The following FARS2 variants were observed in gnomAD, a reference collection of about 807,000 sequenced individuals.
FARS2 encodes the protein phenylalanyl-tRNA synthetase 2, mitochondrial, also known as phenylalanine--tRNA ligase, mitochondrial.
A neutral mutation model predicts 46.4 loss-of-function variants in FARS2; 40 were observed. That is an observed-to-expected ratio of 0.86 (90% confidence interval 0.67 to 1.12). FARS2 has a LOEUF of 1.12. FARS2 is among the 50% of genes most tolerant of loss of function. The pLI, the probability that FARS2 is intolerant of heterozygous loss-of-function variation, is 0.00. For synonymous variants in FARS2, 234 were observed against 214.9 expected, an observed-to-expected ratio of 1.09 and a Z score of -0.78; for missense variants, 513 against 567.9, an observed-to-expected ratio of 0.90 and a Z score of 0.98.
chr6:5,492,692 G>T (rs967533418), intron 4 of FARS2, among the ~76,000 whole-genome samples: 1 of 152,198 alleles, frequency 6.6e-6, no homozygotes, highest in African/African-American at 2.4e-5. Flanking sequence ...CATGTTCTGG[G>T]CCTAGTATTG....
intron 3 of FARS2, among the ~76,000 whole-genome samples, chr6:5,414,901 C>T (rs1382733389): frequency 1.3e-5 from 2 of 150,386 alleles, no homozygotes; most frequent in African/African-American, 2.5e-5. Flanking sequence ...CTGCAACCTC[C>T]GTCTCCTGGG....
At chr6:5,550,719 G>C (rs1416528523) in intron 5 of FARS2, among the ~76,000 whole-genome samples, 2 of 152,130 alleles carry the variant, frequency 1.3e-5, no homozygotes, top group African/African-American at 4.8e-5. Flanking sequence ...CAGTGTTCCT[G>C]ATGGTAAATC....
chr6:5,667,582 A>C (rs1328697051), intron 6 of FARS2, among the ~76,000 whole-genome samples: 1 of 152,194 alleles, frequency 6.6e-6, no homozygotes, highest in Non-Finnish European at 1.5e-5. Flanking sequence ...ACAAAATGAA[A>C]ATTTGGGGGA....
At chr6:5,266,975 A>G (rs569896201) in intron 1 of FARS2, among the ~76,000 whole-genome samples, 4 of 152,220 alleles carry the variant, frequency 2.6e-5, no homozygotes, top group Admixed American at 2.6e-4. Context: ...TTTCAGATAT[A>G]CTTATGAAAA....
At chr6:5,722,416 G>A (rs557886203) in intron 6 of FARS2, among the ~76,000 whole-genome samples, 23 of 152,318 alleles carry the variant, frequency 1.5e-4, no homozygotes, top group African/African-American at 5.3e-4. Context: ...AAATACATCA[G>A]GGGTGCTGTA....
chr6:5,389,484 G>A (rs989465845), intron 2 of FARS2, among the ~76,000 whole-genome samples: 3 of 152,072 alleles, frequency 2.0e-5, no homozygotes, highest in East Asian at 1.9e-4. Flanking sequence ...TTTTCTATTA[G>A]CATTCTCTTG....
chr6:5,360,134 T>C (rs754664824), intron 1 of FARS2, among the ~76,000 whole-genome samples: 11 of 152,218 alleles, frequency 7.2e-5, no homozygotes, highest in Non-Finnish European at 1.3e-4. Context: ...ATATTAACAT[T>C]TTCTCCCAGG....
chr6:5,609,599 A>T lies in FARS2; in HGVS notation c.1066-3570A>T, dbSNP rs1420614222. The T allele has an allele frequency of 2.4e-6, 3 of 1,260,094 alleles. No homozygotes were observed. In the African/African-American group the frequency reaches 4.4e-5, roughly 18 times the overall value. 78.1% of individuals were successfully genotyped at this position (1,260,094 alleles called of 1,614,324 possible). A position where few individuals can be genotyped will look rare whatever the true frequency, so the allele number is the denominator to read the frequency against. ...GACCACCACCAAAGTTTCCAGAACC[A>T]CTTCACCTCTTTGGCTGAAAGAAGC... is the stretch of plus-strand genomic sequence containing the variant. On this transcript the variant is annotated intron_variant, in intron 5 of 6. Coordinates refer to ENST00000274680, the MANE Select transcript of FARS2 (RefSeq NM_006567.5).
At chr6:5,447,141 G>A (rs935607987) in intron 4 of FARS2, among the ~76,000 whole-genome samples, 1 of 152,192 alleles carries the variant, frequency 6.6e-6, no homozygotes, top group Admixed American at 6.5e-5. Flanking sequence ...TTACTGTGGA[G>A]TGTGAGTGGA....
At chr6:5,485,627 A>G (rs1766729471) in intron 4 of FARS2, among the ~76,000 whole-genome samples, 1 of 152,200 alleles carries the variant, frequency 6.6e-6, no homozygotes. Context: ...TAGGCTTTAT[A>G]CTGTCTCTGT....
intron 6 of FARS2, among the ~76,000 whole-genome samples, chr6:5,645,047 G>T (rs1416904533): frequency 6.6e-6 from 1 of 152,172 alleles, no homozygotes; most frequent in Admixed American, 6.5e-5. Flanking sequence ...AAACATCTTT[G>T]TGTGAAAGGC....
At chr6:5,447,006 A>C (rs1349887895) in intron 4 of FARS2, among the ~76,000 whole-genome samples, 3 of 152,216 alleles carry the variant, frequency 2.0e-5, no homozygotes, top group Non-Finnish European at 4.4e-5. Flanking sequence ...AGATAGGGTC[A>C]GTTCCGGAAG....
chr6:5,769,123 TATATG>T (rs1219562791), intron 6 of FARS2, among the ~76,000 whole-genome samples: 28 of 152,252 alleles, frequency 1.8e-4, no homozygotes, highest in African/African-American at 6.8e-4. Context: ...TATATTGAGA[TATATG>T]ATATATTTTG....
At position 5,431,613 on chromosome 6, in the gene FARS2, G is replaced by C. The variant is rs188913257; in HGVS notation, c.904+441G>C. ...AAGTATTTTATAAATACACTAAAAC[G>C]CAGTGTAAAAACACTTAGGCCCCTA... On this transcript the variant is annotated intron_variant, in intron 4 of 6. Coordinates refer to ENST00000274680, the MANE Select transcript of FARS2 (RefSeq NM_006567.5). 1.5e-5 allele frequency: 8 copies of C among 529,794 alleles called. No individual in the cohort carries two copies. In the East Asian group the frequency reaches 4.4e-4, roughly 29 times the overall value. 32.8% of individuals were successfully genotyped at this position (529,794 alleles called of 1,614,324 possible).
chr6:5,478,149 C>T (rs1766236732), intron 4 of FARS2, among the ~76,000 whole-genome samples: 1 of 152,146 alleles, frequency 6.6e-6, no homozygotes, highest in Admixed American at 6.5e-5. Flanking sequence ...CACACGAAGA[C>T]ACTCAGTCAA....
chr6:5,354,764 C>T (rs545355217), intron 1 of FARS2, among the ~76,000 whole-genome samples: 3 of 152,190 alleles, frequency 2.0e-5, no homozygotes, highest in South Asian at 2.1e-4. Flanking sequence ...CCACCTGCCT[C>T]GGCCTCCCAA....
intron 1 of FARS2, among the ~76,000 whole-genome samples, chr6:5,322,653 C>G (rs1770065285): frequency 6.6e-6 from 1 of 152,088 alleles, no homozygotes; most frequent in African/African-American, 2.4e-5. Context: ...GAGTGGGACC[C>G]TTGGTGTTCT....
chr6:5,303,938 G>A (rs909861030), intron 1 of FARS2, among the ~76,000 whole-genome samples: 7 of 152,020 alleles, frequency 4.6e-5, no homozygotes, highest in Admixed American at 3.3e-4. Context: ...GTGGCTCTCC[G>A]TGGACTGCTC....
intron 5 of FARS2, among the ~76,000 whole-genome samples, chr6:5,583,233 T>A (rs1773434761): frequency 6.6e-6 from 1 of 152,200 alleles, no homozygotes; most frequent in Non-Finnish European, 1.5e-5. Context: ...ATGAGTGAAA[T>A]TAGAATAAAG....
Sources: gnomAD v4.1 joint callset for allele counts (sites outside exome capture counted in the v4.1 genomes callset) on GRCh38, gnomAD v4.1.1 for gene constraint, MANE v1.5 for transcripts, NCBI Gene and HGNC (gene_info 2026-07-23, HGNC 2026-07-21) for gene names.